The following NUSAP1 variants were observed in gnomAD, a reference collection of about 807,000 sequenced individuals.
NUSAP1 encodes the protein nucleolar and spindle-associated protein 1.
Under a neutral mutation model 52.8 loss-of-function variants are expected in NUSAP1, and 32 were observed. That is an observed-to-expected ratio of 0.61 (90% CI 0.46 to 0.81). The LOEUF is 0.81. NUSAP1 is among the 40% of genes least tolerant of loss of function. NUSAP1 has a pLI of 0.00. For missense variants in NUSAP1, 499 were observed against 522.3 expected, an observed-to-expected ratio of 0.96 and a Z score of 0.43; for synonymous variants, 195 against 183.1, an observed-to-expected ratio of 1.06 and a Z score of -0.52.
chr15:41,377,091 A>C (rs1020136951), intron 9 of NUSAP1, 105 bp from the exon 10 acceptor site: 1 of 644,578 alleles, frequency 1.6e-6, no homozygotes, highest in African/African-American at 1.9e-5. Context: ...AAAGAAAAAA[A>C]AAGTATAAAT....
chr15:41,354,236 G>A lies in NUSAP1; in HGVS notation c.449-1803G>A, dbSNP rs186897782. On this transcript the variant is annotated intron_variant, in intron 4 of 10. Coordinates refer to ENST00000559596, the MANE Select transcript of NUSAP1 (RefSeq NM_016359.5). ...CACAGAAGCAAACAGGCCAGGCGCA[G>A]TGGCTTACGCTTGTAATCCTAACAC... Among the ~76,000 whole-genome samples, 589 of 152,332 alleles carry A rather than the reference G, an allele frequency of 3.9e-3. 3 individuals carry two copies. The highest frequency in any genetic ancestry group is 6.0e-3 in the Non-Finnish European group (405 of 68,032).
Position 41,377,200 on chromosome 15 carries a change from G to A in NUSAP1, c.1128G>A (p.Lys376=), listed in dbSNP as rs2049976407. 6.8e-7 allele frequency: 1 copy of A among 1,476,318 alleles called. No individual in the cohort carries two copies. Among genetic ancestry groups the A allele is most frequent in the Non-Finnish European group, 9.2e-7 (1 of 1,091,800 alleles). The allele number at this position is 1,476,318 out of a possible 1,614,324, so 91.5% of individuals were successfully genotyped here. ...TTTGTCTCTGTCCTAAACTAGGAAAGCTAAAACCATGGGGGCAATCTAAAG... is the reference window on the plus strand; with the variant it reads ...TTTGTCTCTGTCCTAAACTAGGAAAACTAAAACCATGGGGGCAATCTAAAG... ...RPLNYEPHKG[K]LKPWGQSKEN... Residue 376 remains lysine (K), a synonymous_variant, in exon 10 of 11, where the codon AAG becomes AAA. Coordinates refer to ENST00000559596, the MANE Select transcript of NUSAP1 (RefSeq NM_016359.5).
At position 41,332,886 on chromosome 15, in the gene NUSAP1, G is replaced by T; in HGVS notation, c.-72G>T. 3.3e-6 allele frequency: 4 copies of T among 1,194,820 alleles called. No homozygotes were observed. The highest frequency in any genetic ancestry group is 2.0e-5 in the Admixed American group (1 of 49,438). 74.0% of individuals were successfully genotyped at this position (1,194,820 alleles called of 1,614,324 possible). A position where few individuals can be genotyped will look rare whatever the true frequency, so the allele number is the denominator to read the frequency against. ...CTGCCTAGTCAAAGTTAAGAGTGGC[G>T]CCAGGGATTTGAACCGCGCTGACGA... On this transcript the variant is annotated 5_prime_UTR_variant, in exon 1 of 11. Transcript: ENST00000559596.
rs1184967075 is a variant in NUSAP1 at position 41,342,369 on chromosome 15, TAAG to T, written c.94-16_94-14del. On this transcript the variant is annotated splice_polypyrimidine_tract_variant and intron_variant, in intron 1 of 10. Transcript: ENST00000559596. ...TTTATTTGACTTTTGGCTCTAATAA[TAAG>T]GTCTCTCTTGCAGGCAACCAAGTTG... 1.3e-6 allele frequency: 2 copies of T among 1,542,762 alleles called. No individual in the cohort carries two copies. Among genetic ancestry groups the T allele is most frequent in the African/African-American group, 1.4e-5 (1 of 72,530 alleles).
intron 9 of NUSAP1, among the ~76,000 whole-genome samples, chr15:41,376,903 C>G (rs148827198): frequency 6.6e-6 from 1 of 151,498 alleles, no homozygotes. Context: ...GATGAAACCC[C>G]GTCTCTACTA....
chr15:41,374,006 A>G lies in NUSAP1; in HGVS notation c.1007-1706A>G, dbSNP rs532733055. 9.1e-4 allele frequency among the ~76,000 whole-genome samples: 138 copies of G among 152,218 alleles called. 1 individual carries two copies. The highest frequency in any genetic ancestry group is 3.2e-3 in the African/African-American group (135 of 41,566). ...AGATTGAGACCATCCTGGCTAACAC[A>G]CTGAAACCCCGTCTCTACTAAAAAT... On this transcript the variant is annotated intron_variant, in intron 8 of 10. Coordinates refer to ENST00000559596, the MANE Select transcript of NUSAP1 (RefSeq NM_016359.5).
chr15:41,353,226 T>C (rs1278817987), intron 4 of NUSAP1, among the ~76,000 whole-genome samples: 1 of 152,080 alleles, frequency 6.6e-6, no homozygotes, highest in Non-Finnish European at 1.5e-5. Context: ...TCTCGGCTCA[T>C]TGCAACCTTT....
Position 41,371,630 on chromosome 15 carries a change from G to A in NUSAP1, c.952G>A (p.Glu318Lys), listed in dbSNP as rs143641947. The change falls in exon 8 of 11, where the codon GAG (glutamate) becomes AAG (lysine). Residue 318 changes from glutamate to lysine, a missense_variant. Physicochemically the swap from Glu to Lys is moderately conservative, Grantham distance 56. Coordinates refer to ENST00000559596, the MANE Select transcript of NUSAP1 (RefSeq NM_016359.5). ...VTVSGGTPKG[E>K]AVLGTHKLKT... Reference sequence around the variant, plus strand: ...CGTGTCTGGGGGCACCCCAAAAGGCGAGGCTGTGCTTGGGACACACAAATT... The same window carrying A: ...CGTGTCTGGGGGCACCCCAAAAGGCAAGGCTGTGCTTGGGACACACAAATT... The A allele has an allele frequency of 4.4e-4, 707 of 1,609,740 alleles. 1 individual carries two copies. The African/African-American group carries it at 8.3e-3, about 19-fold the overall frequency.
At chr15:41,358,381 A>G (rs1305556370) in intron 6 of NUSAP1, 123 bp downstream of exon 6, 8 of 589,278 alleles carry the variant, frequency 1.4e-5, no homozygotes, top group South Asian at 6.4e-5. Flanking sequence ...TGAATTTAAT[A>G]TATCTTTATC....
At chr15:41,379,613 C>T (rs1382830820) in intron 10 of NUSAP1, among the ~76,000 whole-genome samples, 4 of 151,924 alleles carry the variant, frequency 2.6e-5, no homozygotes, top group African/African-American at 7.3e-5. Context: ...GGCGTGATCT[C>T]GGCTCACTGC....
Position 41,358,245 on chromosome 15 carries a change from T to A in NUSAP1, c.647T>A (p.Met216Lys), listed in dbSNP as rs764523362. The A allele has an allele frequency of 1.4e-6, 2 of 1,422,322 alleles. No homozygotes were observed. The highest frequency in any genetic ancestry group is 2.4e-5 in the South Asian group (2 of 83,768). 88.1% of individuals were successfully genotyped at this position (1,422,322 alleles called of 1,614,324 possible). A position where few individuals can be genotyped will look rare whatever the true frequency, so the allele number is the denominator to read the frequency against. ...AAACATTTTGAAGAACACAATTCCA[T>A]GAATGAACTGAAGGTATGTAGATAA... ...KKKHFEEHNS[M>K]NELKQQPINK... The change falls in exon 6 of 11, where the codon ATG becomes AAG. Residue 216 changes from methionine (M) to lysine (K), a missense_variant. Transcript: ENST00000559596.
At chr15:41,339,294 T>C (rs2048287033) in intron 1 of NUSAP1, among the ~76,000 whole-genome samples, 1 of 152,138 alleles carries the variant, frequency 6.6e-6, no homozygotes, top group African/African-American at 2.4e-5. Context: ...GGAACTTATT[T>C]TCAAATTCTT....
chr15:41,337,719 C>T (rs912670379), intron 1 of NUSAP1, among the ~76,000 whole-genome samples: 1 of 152,008 alleles, frequency 6.6e-6, no homozygotes, highest in African/African-American at 2.4e-5. Context: ...TGAACATTCC[C>T]CTCTGCTCCA....
intron 2 of NUSAP1, among the ~76,000 whole-genome samples, chr15:41,343,946 A>G (rs1419699777): frequency 4.0e-5 from 6 of 150,608 alleles, no homozygotes; most frequent in African/African-American, 1.2e-4. Flanking sequence ...GGCCAGGCGC[A>G]GTGGCTCACA....
chr15:41,345,788 C>T (rs1211812872), intron 2 of NUSAP1, among the ~76,000 whole-genome samples: 3 of 152,004 alleles, frequency 2.0e-5, no homozygotes, highest in African/African-American at 4.8e-5. Flanking sequence ...TGCTGAGCTC[C>T]TAGTTACTCT....
chr15:41,373,068 G>A (rs1430497708), intron 8 of NUSAP1, among the ~76,000 whole-genome samples: 2 of 151,654 alleles, frequency 1.3e-5, no homozygotes, highest in Non-Finnish European at 2.9e-5. Flanking sequence ...GCCAGCCTGG[G>A]CAACACAGTG....
At chr15:41,357,425 T>C (rs1567057202) in intron 5 of NUSAP1, among the ~76,000 whole-genome samples, 1 of 151,906 alleles carries the variant, frequency 6.6e-6, no homozygotes, top group Non-Finnish European at 1.5e-5. Context: ...GACCATACCA[T>C]ATGTGGCCAT....
chr15:41,345,912 A>T (rs916695723), intron 2 of NUSAP1, among the ~76,000 whole-genome samples: 3 of 152,076 alleles, frequency 2.0e-5, no homozygotes, highest in Non-Finnish European at 4.4e-5. Context: ...TTGTCCCTTA[A>T]TGCTAGTGAT....
intron 8 of NUSAP1, among the ~76,000 whole-genome samples, chr15:41,373,255 G>A (rs933947103): frequency 1.8e-4 from 27 of 151,704 alleles, no homozygotes; most frequent in Non-Finnish European, 8.8e-5. Flanking sequence ...TTAGCCGGGC[G>A]TGGTGGCACG....
Sources: gnomAD v4.1 joint callset for allele counts (sites outside exome capture counted in the v4.1 genomes callset) on GRCh38, gnomAD v4.1.1 for gene constraint, MANE v1.5 for transcripts, NCBI Gene and HGNC (gene_info 2026-07-23, HGNC 2026-07-21) for gene names.